The following PEX2 variants were observed in gnomAD, a reference collection of about 807,000 sequenced individuals.
The protein encoded by PEX2 is peroxisome biogenesis factor 2.
Under a neutral mutation model 25.2 loss-of-function variants are expected in PEX2, and 19 were observed. That is an observed-to-expected ratio of 0.75 (90% CI 0.53 to 1.10). The LOEUF is 1.10. PEX2 is among the 50% of genes least tolerant of loss of function. The pLI is 0.00. For missense variants in PEX2, 347 were observed against 350.6 expected (o/e 0.99, Z 0.08); for synonymous variants, 141 against 127.7 (o/e 1.10, Z -0.70).
intron 2 of PEX2, among the ~76,000 whole-genome samples, chr8:76,987,336 C>T (rs1481336268): frequency 2.0e-5 from 3 of 152,048 alleles, no homozygotes; most frequent in African/African-American, 4.8e-5. Flanking sequence ...CCTAAGCAGC[C>T]ACCTGATATT....
At chr8:76,997,226 A>T (rs944811416) in intron 1 of PEX2, among the ~76,000 whole-genome samples, 3 of 152,232 alleles carry the variant, frequency 2.0e-5, no homozygotes, top group African/African-American at 7.2e-5. Context: ...GAACAAAAGG[A>T]ATAGATGAGT....
intron 3 of PEX2, among the ~76,000 whole-genome samples, chr8:76,985,623 GA>G (rs1428573415): frequency 6.6e-6 from 1 of 151,928 alleles, no homozygotes; most frequent in Non-Finnish European, 1.5e-5. Context: ...AAAGCTAGGG[GA>G]AAAAAACACA....
rs931982876 is a variant in PEX2, at chr8:76,983,450, T to C, written c.729A>G (p.Glu243=). The change falls in exon 4 of 4, where the codon GAA becomes GAG. Residue 243 remains glutamate (E), a synonymous_variant. Coordinates refer to ENST00000357039, the MANE Select transcript of PEX2 (RefSeq NM_000318.3). ...TGGGCCACTCTCCACATAGAGCGCA[T>C]TCTTTGCCACTGGTGGCTAATGTAT... The part of the protein sequence containing the change: ...SDNTLATSGK[E]CALCGEWPTM... 4 of 1,614,170 alleles carry C rather than the reference T, an allele frequency of 2.5e-6. No homozygotes were observed. The highest frequency in any genetic ancestry group is 1.6e-4 in the Middle Eastern group (1 of 6,062).
chr8:76,991,685 A>G (rs979332688), intron 1 of PEX2, among the ~76,000 whole-genome samples: 4 of 152,168 alleles, frequency 2.6e-5, no homozygotes, highest in African/African-American at 4.8e-5. Flanking sequence ...GAGTGGAAAA[A>G]GCAGATTTAA....
intron 1 of PEX2, among the ~76,000 whole-genome samples, chr8:76,992,719 A>T (rs1172786956): frequency 6.6e-6 from 1 of 152,204 alleles, no homozygotes; most frequent in Non-Finnish European, 1.5e-5. Flanking sequence ...TACTCAATGT[A>T]ACAAATATAT....
chr8:76,992,223 G>T (rs1563610894), intron 1 of PEX2, among the ~76,000 whole-genome samples: 1 of 152,148 alleles, frequency 6.6e-6, no homozygotes, highest in Admixed American at 6.5e-5. Context: ...ATGGGTTCCC[G>T]CATGACCTGC....
intron 1 of PEX2, among the ~76,000 whole-genome samples, chr8:76,996,766 T>C (rs1807345233): frequency 6.6e-6 from 1 of 152,060 alleles, no homozygotes; most frequent in Non-Finnish European, 1.5e-5. Context: ...ATACATATCA[T>C]GTACAAGGCA....
chr8:76,983,494 C>G lies in PEX2; in HGVS notation c.685G>C (p.Gly229Arg), dbSNP rs1344731441. 19 of 1,613,924 alleles carry G rather than the reference C, an allele frequency of 1.2e-5. 1 individual carries two copies. Among genetic ancestry groups the G allele is most frequent in the Middle Eastern group, 1.6e-4 (1 of 6,084 alleles). The stretch of plus-strand genomic sequence containing the variant: ...AATGTATTGTCACTATTAGGTGCAC[C>G]AGTAAGAGGAATACACCATGAAGAC... ...KLSSWCIPLTGAPNSDNTLAT... is the reference protein window; with the variant it reads ...KLSSWCIPLTRAPNSDNTLAT... The change falls in exon 4 of 4, where the codon GGT becomes CGT. Residue 229 changes from glycine (G) to arginine (R), a missense_variant. By Grantham distance (125) the Gly-to-Arg change is moderately radical. Transcript: ENST00000357039.
rs9298285 is a variant in PEX2, at chr8:76,984,155, C to T, written c.24G>A (p.Ala8=). The part of the protein sequence containing the change: MASRKEN[A]KSANRVLRIS... ...TTCTTAGCACTCTGTTTGCACTCTT[C>T]GCATTCTCTTTTCTGGAAGCCATGT... Residue 8 remains alanine, a synonymous_variant, in exon 4 of 4, where the codon GCG becomes GCA. Transcript: ENST00000357039. 6.6e-3 allele frequency: 10,626 copies of T among 1,614,036 alleles called. 549 individuals are homozygous for T. The African/African-American group carries it at 0.12, about 18-fold the overall frequency.
chr8:76,998,800 G>A (rs908884492), intron 1 of PEX2, among the ~76,000 whole-genome samples: 2 of 152,078 alleles, frequency 1.3e-5, no homozygotes, highest in Non-Finnish European at 1.5e-5. Flanking sequence ...ACCCCAGCTT[G>A]AGTACTAACA....
At chr8:76,999,487 TTTCA>T (rs1271804329) in intron 1 of PEX2, among the ~76,000 whole-genome samples, 2 of 152,182 alleles carry the variant, frequency 1.3e-5, no homozygotes, top group African/African-American at 4.8e-5. Context: ...ATCAGAAACT[TTTCA>T]TTATCTCTTC....
In PEX2 at chr8:76,981,509, T is replaced by G. The variant is rs1806827021; in HGVS notation, c.*1752A>C. The G allele has an allele frequency of 6.6e-6, 1 of 152,184 alleles. No individual in the cohort carries two copies. Among genetic ancestry groups the G allele is most frequent in the Non-Finnish European group, 1.5e-5 (1 of 68,020 alleles). 9.4% of individuals were successfully genotyped at this position (152,184 alleles called of 1,614,324 possible). A position where few individuals can be genotyped will look rare whatever the true frequency, so the allele number is the denominator to read the frequency against. On this transcript the variant is annotated 3_prime_UTR_variant, in exon 4 of 4. Transcript: ENST00000357039. ...AAAAAACAAAGACGTTTGTATATAT[T>G]TTTATTTTTTTAGAAACGAACTCAA...
intron 3 of PEX2, among the ~76,000 whole-genome samples, chr8:76,984,567 G>T (rs1428521069): frequency 6.6e-6 from 1 of 152,144 alleles, no homozygotes; most frequent in African/African-American, 2.4e-5. Flanking sequence ...TAACAGAAAG[G>T]AGGCTGAATA....
Position 76,982,502 on chromosome 8 carries a change from G to T in PEX2, c.*759C>A, listed in dbSNP as rs1038307300. ...CTGAACTTCTTAAAAATTGGCTTCA[G>T]AGAAAAGCATAACATTACAACTGAG... On this transcript the variant is annotated 3_prime_UTR_variant, in exon 4 of 4. Coordinates refer to ENST00000357039, the MANE Select transcript of PEX2 (RefSeq NM_000318.3). 1.3e-5 allele frequency: 2 copies of T among 152,196 alleles called. No individual in the cohort carries two copies. The highest frequency in any genetic ancestry group is 4.8e-5 in the African/African-American group (2 of 41,444). The allele number at this position is 152,196 out of a possible 1,614,324, so 9.4% of individuals were successfully genotyped here. A position where few individuals can be genotyped will look rare whatever the true frequency, so the allele number is the denominator to read the frequency against.
chr8:76,983,994 A>G lies in PEX2; in HGVS notation c.185T>C (p.Val62Ala). ...GTAGATGGTGAATCTCCACAAGAAA[A>G]CCCATAAGCACGCTTTCACCTCTGG... ...FEPEVKACLW[V>A]FLWRFTIYSK... Residue 62 changes from valine (V) to alanine (A), a missense_variant, in exon 4 of 4, where the codon GTT (valine) becomes GCT (alanine). Val to Ala is a moderately conservative substitution (Grantham distance 64). Coordinates refer to ENST00000357039, the MANE Select transcript of PEX2 (RefSeq NM_000318.3). 1 of 1,614,030 alleles carries G rather than the reference A, an allele frequency of 6.2e-7. No individual in the cohort carries two copies. Among genetic ancestry groups the G allele is most frequent in the South Asian group, 1.1e-5 (1 of 91,082 alleles).
intron 1 of PEX2, 26 bp downstream of exon 1, chr8:76,999,964 T>G (rs899988498): frequency 2.2e-6 from 1 of 456,450 alleles, no homozygotes. Flanking sequence ...GGGTTTGCAC[T>G]CCGGCTCTCT....
At chr8:76,991,461 A>G (rs1446160137) in intron 1 of PEX2, among the ~76,000 whole-genome samples, 3 of 152,146 alleles carry the variant, frequency 2.0e-5, no homozygotes, top group Non-Finnish European at 4.4e-5. Flanking sequence ...AATAGACCAA[A>G]AGACTATTAT....
At chr8:76,984,566 G>A (rs1806950879) in intron 3 of PEX2, among the ~76,000 whole-genome samples, 1 of 152,126 alleles carries the variant, frequency 6.6e-6, no homozygotes, top group Non-Finnish European at 1.5e-5. Context: ...CTAACAGAAA[G>A]GAGGCTGAAT....
upstream of PEX2, among the ~76,000 whole-genome samples, chr8:77,000,579 C>T (rs1374667576): frequency 1.3e-5 from 2 of 152,300 alleles, no homozygotes; most frequent in Admixed American, 6.5e-5. Flanking sequence ...TGCGTCGGGC[C>T]TGGGGCAGTT....
Sources: gnomAD v4.1 joint callset for allele counts (sites outside exome capture counted in the v4.1 genomes callset) on GRCh38, gnomAD v4.1.1 for gene constraint, MANE v1.5 for transcripts, NCBI Gene and HGNC (gene_info 2026-07-23, HGNC 2026-07-21) for gene names.